The following PDE11A variants were observed in gnomAD, a reference collection of about 807,000 sequenced individuals.
PDE11A encodes dual 3',5'-cyclic-AMP and -GMP phosphodiesterase 11A.
Under a neutral mutation model 100.5 loss-of-function variants are expected in PDE11A, and 100 were observed. That is an observed-to-expected ratio of 1.00 (90% CI 0.85 to 1.18). PDE11A has a LOEUF of 1.18. Among genes scored for constraint, PDE11A ranks in the 50% most tolerant of loss-of-function variants. The pLI is 0.00. For synonymous variants in PDE11A, 381 were observed against 420.8 expected (o/e 0.91, Z 1.16); for missense variants, 1,141 against 1,152.6 (o/e 0.99, Z 0.15).
At chr2:177,788,302 G>A (rs2082572233) in intron 9 of PDE11A, among the ~76,000 whole-genome samples, 2 of 144,278 alleles carry the variant, frequency 1.4e-5, no homozygotes, top group African/African-American at 2.6e-5. Context: ...GGTACGTAAT[G>A]AAATGAAGGC....
At chr2:177,672,176 T>C (rs1444118192) in intron 17 of PDE11A, among the ~76,000 whole-genome samples, 9 of 152,114 alleles carry the variant, frequency 5.9e-5, no homozygotes, top group Admixed American at 5.9e-4. Context: ...AGATGAACAG[T>C]GGGCAGAGAT....
intron 1 of PDE11A, among the ~76,000 whole-genome samples, chr2:178,046,550 T>C (rs1004284317): frequency 6.6e-6 from 1 of 152,144 alleles, no homozygotes; most frequent in African/African-American, 2.4e-5. Context: ...AATTGAAGAA[T>C]TGGAGTCAGA....
chr2:177,662,535 C>A (rs773130979), intron 19 of PDE11A, among the ~76,000 whole-genome samples: 1 of 152,190 alleles, frequency 6.6e-6, no homozygotes, highest in Non-Finnish European at 1.5e-5. Context: ...TTGAGCTTTG[C>A]ACATGGGGGA....
At chr2:178,033,306 G>A (rs949056577) in intron 1 of PDE11A, among the ~76,000 whole-genome samples, 21 of 152,154 alleles carry the variant, frequency 1.4e-4, no homozygotes, top group African/African-American at 5.1e-4. Flanking sequence ...ATCAGAGATT[G>A]AAGATCAACT....
chr2:178,102,950 T>C (rs890792854), intron 2 of PDE11A, among the ~76,000 whole-genome samples: 3 of 149,010 alleles, frequency 2.0e-5, no homozygotes, highest in African/African-American at 7.8e-5. Context: ...TATGAGAAAA[T>C]GGTCATGTAA....
intron 9 of PDE11A, among the ~76,000 whole-genome samples, chr2:177,774,574 C>T (rs2082353716): frequency 6.6e-6 from 1 of 152,130 alleles, no homozygotes; most frequent in South Asian, 2.1e-4. Context: ...CATCCTCTAC[C>T]TTAACTGTAA....
chr2:177,820,833 A>C (rs548747272), intron 6 of PDE11A, among the ~76,000 whole-genome samples: 2 of 136,566 alleles, frequency 1.5e-5, no homozygotes, highest in South Asian at 4.6e-4. Context: ...AGAGGTTTGA[A>C]TATTTTCCTT....
At chr2:177,666,873 T>A (rs1372194430) in intron 18 of PDE11A, among the ~76,000 whole-genome samples, 2 of 149,964 alleles carry the variant, frequency 1.3e-5, no homozygotes, top group East Asian at 3.9e-4. Context: ...TGTCCTTTGA[T>A]CCATGAAAGT....
chr2:178,069,345 G>A (rs2087093896), intron 1 of PDE11A, among the ~76,000 whole-genome samples: 1 of 152,044 alleles, frequency 6.6e-6, no homozygotes, highest in African/African-American at 2.4e-5. Context: ...AAAAAAAGTA[G>A]CTTTATCAAA....
chr2:177,712,170 T>C (rs2105425894), intron 12 of PDE11A, among the ~76,000 whole-genome samples: 1 of 152,216 alleles, frequency 6.6e-6, no homozygotes, highest in Middle Eastern at 3.4e-3. Context: ...ACAGTGACAG[T>C]TTAGCAAAGG....
At chr2:177,777,869 G>T (rs924592404) in intron 9 of PDE11A, among the ~76,000 whole-genome samples, 3 of 152,198 alleles carry the variant, frequency 2.0e-5, no homozygotes, top group Admixed American at 6.5e-5. Context: ...ACTTTCACAA[G>T]AAAATTTCTG....
At chr2:178,034,559 C>A (rs2086587117) in intron 1 of PDE11A, among the ~76,000 whole-genome samples, 1 of 152,200 alleles carries the variant, frequency 6.6e-6, no homozygotes. Flanking sequence ...CACCCCAAAT[C>A]AACAGAATAC....
At chr2:177,833,716 A>G (rs908186721) in intron 6 of PDE11A, among the ~76,000 whole-genome samples, 1 of 152,224 alleles carries the variant, frequency 6.6e-6, no homozygotes, top group Non-Finnish European at 1.5e-5. Context: ...TTTCTGATGA[A>G]TTGGGGTCAG....
intron 2 of PDE11A, among the ~76,000 whole-genome samples, chr2:177,921,050 AGACTC>A: frequency 6.7e-6 from 1 of 149,830 alleles, no homozygotes; most frequent in Non-Finnish European, 1.5e-5. Flanking sequence ...CGACAGAGCG[AGACTC>A]CATCTCAAAA....
At chr2:177,845,351 T>C (rs140736928) in intron 5 of PDE11A, among the ~76,000 whole-genome samples, 141,479 of 146,034 alleles carry the variant, frequency 0.97, 68,657 homozygotes, top group Non-Finnish European at 1. Context: ...ACCTCCCAGA[T>C]GGGGTCTCGG....
At chr2:177,964,819 C>CTGCGATGAACG (rs2085678525) in intron 2 of PDE11A, among the ~76,000 whole-genome samples, 1 of 152,152 alleles carries the variant, frequency 6.6e-6, no homozygotes, top group Non-Finnish European at 1.5e-5. Context: ...GTGACTAGTG[C>CTGCGATGAACG]TGCGATGAAC....
chr2:177,805,872 T>G (rs551190385), intron 9 of PDE11A, among the ~76,000 whole-genome samples: 3 of 152,270 alleles, frequency 2.0e-5, no homozygotes, highest in Admixed American at 1.3e-4. Flanking sequence ...CATACTTCAT[T>G]TTAAAGCTGT....
chr2:178,105,964 G>A (rs1483677214), intron 1 of PDE11A, among the ~76,000 whole-genome samples: 1 of 152,092 alleles, frequency 6.6e-6, no homozygotes, highest in Non-Finnish European at 1.5e-5. Context: ...ATGGGGTTTG[G>A]GATGGATTTG....
In PDE11A at chr2:177,684,958, TGAAA is replaced by T. The variant is rs1199527435; in HGVS notation, c.2346-4059_2346-4056del. ...TGGCTGGGAGGATCCTGGAGGATTG[TGAAA>T]GACTTTCTGAAAGTTTGTCAGCCAT... On this transcript the variant is annotated intron_variant, in intron 15 of 19. Transcript: ENST00000286063. 2.6e-5 allele frequency among the ~76,000 whole-genome samples: 4 copies of T among 152,310 alleles called. No individual in the cohort carries two copies. In the East Asian group the frequency reaches 7.7e-4, roughly 29 times the overall value.
Sources: gnomAD v4.1 joint callset for allele counts (sites outside exome capture counted in the v4.1 genomes callset) on GRCh38, gnomAD v4.1.1 for gene constraint, MANE v1.5 for transcripts, NCBI Gene and HGNC (gene_info 2026-07-23, HGNC 2026-07-21) for gene names.